LARP4B: variants seen among roughly 807,000 people sequenced by gnomAD.
LARP4B encodes La ribonucleoprotein 4B.
In LARP4B, 12 loss-of-function variants were observed where a neutral mutation model predicts 89.8. That is an observed-to-expected ratio of 0.13 (90% CI 0.09 to 0.22). The LOEUF is 0.22. Among genes scored for constraint, LARP4B ranks in the 10% least tolerant of loss-of-function variants. The pLI, the probability that LARP4B is intolerant of heterozygous loss-of-function variation, is 1.00. For synonymous variants in LARP4B, 367 were observed against 363.3 expected (o/e 1.01, Z -0.12); for missense variants, 757 against 947.7 (o/e 0.80, Z 2.64).
chr10:922,485 T>C (rs1334885750), intron 1 of LARP4B, among the ~76,000 whole-genome samples: 1 of 151,760 alleles, frequency 6.6e-6, no homozygotes, highest in Non-Finnish European at 1.5e-5. Flanking sequence ...AGGCTGAGGC[T>C]GGAGGATCAC....
intron 5 of LARP4B, among the ~76,000 whole-genome samples, chr10:858,887 C>T (rs578139727): frequency 2.0e-4 from 31 of 152,212 alleles, no homozygotes; most frequent in Admixed American, 4.6e-4. Flanking sequence ...CGCAGTGGCT[C>T]ATGCCTGTAA....
At chr10:961,292 A>G in the LARP4B span, among the ~76,000 whole-genome samples, 40 of 152,350 alleles carry the variant, frequency 2.6e-4, no homozygotes, top group South Asian at 8.1e-3. Flanking sequence ...ATTCATAAAG[A>G]AAGGAGGTTT....
At chr10:966,413 A>C in the LARP4B span, among the ~76,000 whole-genome samples, 5 of 152,214 alleles carry the variant, frequency 3.3e-5, no homozygotes, top group Non-Finnish European at 4.4e-5. Context: ...CCATGATCGC[A>C]CCACTGCACT....
At chr10:870,699 A>G (rs1835157329) in intron 3 of LARP4B, among the ~76,000 whole-genome samples, 1 of 152,176 alleles carries the variant, frequency 6.6e-6, no homozygotes, top group Non-Finnish European at 1.5e-5. Flanking sequence ...TTCTCCAAAT[A>G]AAGTCTCTCT....
the LARP4B span, among the ~76,000 whole-genome samples, chr10:948,427 T>G: frequency 6.6e-6 from 1 of 152,308 alleles, no homozygotes; most frequent in South Asian, 2.1e-4. Flanking sequence ...TTGGCATTTT[T>G]AGTAGAGACA....
rs10795298 is a variant in LARP4B at position 810,385 on chromosome 10, C to G, written c.*2541G>C. The G allele has an allele frequency of 0.99, 151,400 of 152,354 alleles. 75,236 individuals are homozygous for G. Among genetic ancestry groups the G allele is most frequent in the Middle Eastern group, 1 (294 of 294 alleles). 9.4% of individuals were successfully genotyped at this position (152,354 alleles called of 1,614,324 possible). ...TGCTATAAAAATCACCTCCGAGCAA[C>G]GTTTCAGTTCTTGATGCAGAAGACT... On this transcript the variant is annotated 3_prime_UTR_variant, in exon 18 of 18. Coordinates refer to ENST00000316157, the MANE Select transcript of LARP4B (RefSeq NM_015155.3).
the LARP4B span, among the ~76,000 whole-genome samples, chr10:979,640 C>T: frequency 6.6e-6 from 1 of 152,158 alleles, no homozygotes; most frequent in Non-Finnish European, 1.5e-5. Context: ...CCTTTGTCAT[C>T]CTTTGTTGGT....
In LARP4B at chr10:842,283, C is replaced by T. The variant is rs1320813589; in HGVS notation, c.646+649G>A. ...CACAATCTCAGCTAACTGCAACCTCCGCCTCCTGGGTTCAAGTGATTTCCC... is the reference window on the plus strand; with the variant it reads ...CACAATCTCAGCTAACTGCAACCTCTGCCTCCTGGGTTCAAGTGATTTCCC... On this transcript the variant is annotated intron_variant, in intron 7 of 17. Transcript: ENST00000316157. Among the ~76,000 whole-genome samples, 7 of 152,096 alleles carry T rather than the reference C, an allele frequency of 4.6e-5. No individual in the cohort carries two copies. In the South Asian group the frequency reaches 6.2e-4, roughly 14 times the overall value.
chr10:901,029 C>G (rs897191921), intron 1 of LARP4B, among the ~76,000 whole-genome samples: 9 of 151,038 alleles, frequency 6.0e-5, no homozygotes, highest in African/African-American at 2.2e-4. Context: ...AAGCGATTCT[C>G]CTGCTTCAGC....
chr10:986,218 A>C, the LARP4B span: 1 of 152,260 alleles, frequency 6.6e-6, no homozygotes, highest in Non-Finnish European at 1.5e-5. Context: ...TTTTACTGAG[A>C]AGTGCCTCGC....
chr10:829,950 T>C (rs1001542434), intron 9 of LARP4B, among the ~76,000 whole-genome samples: 2 of 152,128 alleles, frequency 1.3e-5, no homozygotes, highest in Non-Finnish European at 2.9e-5. Context: ...CAAACAAGAT[T>C]TGTACACAAT....
At chr10:884,528 C>A (rs1009706734) in intron 2 of LARP4B, 22 bp from the exon 3 acceptor site, 3 of 1,503,096 alleles carry the variant, frequency 2.0e-6, no homozygotes, top group Non-Finnish European at 2.8e-6. Flanking sequence ...AAAACAAAGA[C>A]AACATCAGTA....
At chr10:880,984 G>GT (rs993574352) in intron 3 of LARP4B, among the ~76,000 whole-genome samples, 5 of 152,198 alleles carry the variant, frequency 3.3e-5, no homozygotes, top group African/African-American at 1.2e-4. Flanking sequence ...GGCTGATGTA[G>GT]TGTCTCCAAG....
chr10:864,958 A>AAAAG (rs1277108765), intron 3 of LARP4B, among the ~76,000 whole-genome samples: 1 of 152,238 alleles, frequency 6.6e-6, no homozygotes, highest in Non-Finnish European at 1.5e-5. Flanking sequence ...TCTCTAAAAC[A>AAAAG]AAAGAAAGAA....
At chr10:948,580 T>TA in the LARP4B span, among the ~76,000 whole-genome samples, 1 of 152,192 alleles carries the variant, frequency 6.6e-6, no homozygotes, top group Admixed American at 6.5e-5. Flanking sequence ...TGGGGGACAA[T>TA]ATCAGGATCC....
rs1386477209 is a variant in LARP4B at position 825,878 on chromosome 10, C to A, written c.1126-8G>T. ...ATTTGGAAATGGAGTTACCTAGATT[C>A]ATTTGAAAACAGACAAGTAAATAAA... is the stretch of plus-strand genomic sequence containing the variant. On this transcript the variant is annotated splice_polypyrimidine_tract_variant and splice_region_variant and intron_variant, in intron 11 of 17. Transcript: ENST00000316157. 3.9e-6 allele frequency: 6 copies of A among 1,547,226 alleles called. No individual in the cohort carries two copies. The highest frequency in any genetic ancestry group is 4.5e-6 in the Non-Finnish European group (5 of 1,123,222).
rs189777122 is a variant in LARP4B at position 842,214 on chromosome 10, T to A, written c.646+718A>T. ...TCACAACATAATTTTTTTTTTTTTT[T>A]ATGAGATGGAGTCTATCTCTGTCGC... is the stretch of plus-strand genomic sequence containing the variant. On this transcript the variant is annotated intron_variant, in intron 7 of 17. Transcript: ENST00000316157. Among the ~76,000 whole-genome samples, 1,408 of 152,002 alleles carry A rather than the reference T, an allele frequency of 9.3e-3. 15 individuals carry two copies. Among genetic ancestry groups the A allele is most frequent in the Non-Finnish European group, 0.015 (996 of 67,980 alleles).
At chr10:900,644 C>T (rs1213638369) in intron 1 of LARP4B, among the ~76,000 whole-genome samples, 1 of 134,858 alleles carries the variant, frequency 7.4e-6, no homozygotes, top group East Asian at 2.0e-4. Flanking sequence ...TTGTGAGAAG[C>T]AGTCTCACTC....
chr10:928,577 A>C (rs1837218116), intron 1 of LARP4B, among the ~76,000 whole-genome samples: 1 of 152,036 alleles, frequency 6.6e-6, no homozygotes, highest in Admixed American at 6.6e-5. Flanking sequence ...TTGATGTCCC[A>C]ATTTGCATGT....
Sources: gnomAD v4.1 joint callset for allele counts (sites outside exome capture counted in the v4.1 genomes callset) on GRCh38, gnomAD v4.1.1 for gene constraint, MANE v1.5 for transcripts, NCBI Gene and HGNC (gene_info 2026-07-23, HGNC 2026-07-21) for gene names.